Variants in TNKS observed in about 807,000 individuals in gnomAD.
TNKS encodes the protein tankyrase.
In TNKS, 72 loss-of-function variants were observed where a neutral mutation model predicts 135.8. That is an observed-to-expected ratio of 0.53 (90% CI 0.44 to 0.64). TNKS has a LOEUF of 0.64. Among genes scored for constraint, TNKS ranks in the 30% least tolerant of loss-of-function variants. TNKS has a pLI of 0.00. For synonymous variants in TNKS, 849 were observed against 649.3 expected, an observed-to-expected ratio of 1.31 and a Z score of -4.68; for missense variants, 1,769 against 1,674.0, an observed-to-expected ratio of 1.06 and a Z score of -0.99.
intron 12 of TNKS, among the ~76,000 whole-genome samples, chr8:9,724,238 T>C (rs1187649829): frequency 6.6e-6 from 1 of 151,998 alleles, no homozygotes; most frequent in Non-Finnish European, 1.5e-5. Context: ...TTGCTTGAGC[T>C]CAGGAGTTCA....
rs569218728 is a variant in TNKS at position 9,621,338 on chromosome 8, C to T, written c.994+5661C>T. ...TTTTTTTTTGAGACGGAGTTTCACT[C>T]TTGTTGCCCAGGCTGGAGTACAATG... On this transcript the variant is annotated intron_variant, in intron 3 of 26. Coordinates refer to ENST00000310430, the MANE Select transcript of TNKS (RefSeq NM_003747.3). 2.2e-3 allele frequency among the ~76,000 whole-genome samples: 319 copies of T among 147,520 alleles called. 1 individual carries two copies. The highest frequency in any genetic ancestry group is 7.6e-3 in the African/African-American group (305 of 40,058).
intron 20 of TNKS, among the ~76,000 whole-genome samples, chr8:9,759,882 A>G (rs1188579965): frequency 6.6e-6 from 1 of 152,054 alleles, no homozygotes; most frequent in Non-Finnish European, 1.5e-5. Flanking sequence ...GGCTGAGGCA[A>G]GAGAATGGCG....
chr8:9,601,540 C>T (rs571215541), intron 2 of TNKS, among the ~76,000 whole-genome samples: 2 of 152,096 alleles, frequency 1.3e-5, no homozygotes, highest in Non-Finnish European at 1.5e-5. Context: ...ATAATACAGG[C>T]GTATGTGTTT....
chr8:9,570,414 G>A (rs1476141922), intron 1 of TNKS, among the ~76,000 whole-genome samples: 1 of 152,190 alleles, frequency 6.6e-6, no homozygotes, highest in Non-Finnish European at 1.5e-5. Context: ...TAAAATACAG[G>A]GAAGAGATTC....
chr8:9,666,096 GCT>G (rs1386062101), intron 3 of TNKS, among the ~76,000 whole-genome samples: 1 of 152,118 alleles, frequency 6.6e-6, no homozygotes, highest in Non-Finnish European at 1.5e-5. Context: ...AACAGCTTTT[GCT>G]GCTGACTGAT....
chr8:9,660,519 C>T (rs999407912), intron 3 of TNKS, among the ~76,000 whole-genome samples: 2 of 152,132 alleles, frequency 1.3e-5, no homozygotes, highest in Non-Finnish European at 2.9e-5. Context: ...CAGAAAAGGC[C>T]TTTGACAAAA....
At chr8:9,561,625 C>A (rs1285972166) in intron 1 of TNKS, among the ~76,000 whole-genome samples, 1 of 152,118 alleles carries the variant, frequency 6.6e-6, no homozygotes, top group Non-Finnish European at 1.5e-5. Context: ...AAGCTGATTC[C>A]TGTTTTGGCT....
chr8:9,742,690 T>TA (rs1806030928), intron 17 of TNKS, among the ~76,000 whole-genome samples: 1 of 149,846 alleles, frequency 6.7e-6, no homozygotes, highest in African/African-American at 2.4e-5. Flanking sequence ...AGACCCTATC[T>TA]CTATATAATT....
chr8:9,706,136 T>G (rs370563580), intron 6 of TNKS, 51 bp from the exon 7 acceptor site: 86 of 1,357,758 alleles, frequency 6.3e-5, no homozygotes, highest in Non-Finnish European at 8.1e-5. Context: ...ACGACATGGA[T>G]AAATAAGTTG....
At chr8:9,760,820 G>C (rs993011402) in intron 20 of TNKS, among the ~76,000 whole-genome samples, 1 of 152,162 alleles carries the variant, frequency 6.6e-6, no homozygotes, top group African/African-American at 2.4e-5. Flanking sequence ...AAATTAAAAA[G>C]CACTATGTTG....
intron 2 of TNKS, among the ~76,000 whole-genome samples, chr8:9,607,212 C>G (rs894510514): frequency 4.0e-5 from 6 of 151,816 alleles, no homozygotes; most frequent in African/African-American, 1.5e-4. Flanking sequence ...AATTGTTTTC[C>G]AAAACAAAAA....
chr8:9,622,975 A>C (rs1322136159), intron 3 of TNKS, among the ~76,000 whole-genome samples: 2 of 152,230 alleles, frequency 1.3e-5, no homozygotes, highest in African/African-American at 4.8e-5. Flanking sequence ...AATTAGGCAC[A>C]GTAAGAGATT....
chr8:9,704,453 A>G (rs1050009782), intron 5 of TNKS, among the ~76,000 whole-genome samples: 2 of 152,162 alleles, frequency 1.3e-5, no homozygotes, highest in Admixed American at 1.3e-4. Context: ...TAAAAAAACA[A>G]GTAAGTGAAA....
At chr8:9,760,454 A>G (rs553925662) in intron 20 of TNKS, among the ~76,000 whole-genome samples, 95 of 152,318 alleles carry the variant, frequency 6.2e-4, no homozygotes, top group African/African-American at 2.1e-3. Context: ...CTAATTTGTC[A>G]GTTTTTTAAA....
chr8:9,635,059 A>T (rs1190485031), intron 3 of TNKS, among the ~76,000 whole-genome samples: 2 of 151,946 alleles, frequency 1.3e-5, no homozygotes, highest in Non-Finnish European at 2.9e-5. Flanking sequence ...AGGCGCGGCC[A>T]CTCGGGAGGC....
At chr8:9,662,649 G>T (rs1472266759) in intron 3 of TNKS, among the ~76,000 whole-genome samples, 2 of 152,148 alleles carry the variant, frequency 1.3e-5, no homozygotes, top group Non-Finnish European at 2.9e-5. Flanking sequence ...AATGCTAAAT[G>T]ATGAGTTAAT....
chr8:9,622,226 G>A (rs1305024910), intron 3 of TNKS, among the ~76,000 whole-genome samples: 2 of 152,152 alleles, frequency 1.3e-5, no homozygotes, highest in African/African-American at 2.4e-5. Flanking sequence ...TGTTTGCACC[G>A]TGAAGGAACA....
intron 2 of TNKS, among the ~76,000 whole-genome samples, chr8:9,591,392 A>T (rs952457243): frequency 6.6e-6 from 1 of 152,200 alleles, no homozygotes; most frequent in Admixed American, 6.5e-5. Flanking sequence ...ATAACGCTGG[A>T]TGTATGTCTC....
At chr8:9,677,183 G>A (rs1802577790) in intron 3 of TNKS, among the ~76,000 whole-genome samples, 1 of 152,204 alleles carries the variant, frequency 6.6e-6, no homozygotes, top group Admixed American at 6.5e-5. Flanking sequence ...GTGGATGCTA[G>A]AATGTATTGC....
Sources: gnomAD v4.1 joint callset for allele counts (sites outside exome capture counted in the v4.1 genomes callset) on GRCh38, gnomAD v4.1.1 for gene constraint, MANE v1.5 for transcripts, NCBI Gene and HGNC (gene_info 2026-07-23, HGNC 2026-07-21) for gene names.